The following RNF212 variants were observed in gnomAD, a reference collection of about 807,000 sequenced individuals.
RNF212 encodes ring finger protein 212.
Under a neutral mutation model 34.7 loss-of-function variants are expected in RNF212, and 33 were observed. The observed-to-expected ratio is 0.95, with a 90% CI of 0.72 to 1.27. The LOEUF is 1.27. Among genes scored for constraint, RNF212 ranks in the 50% most tolerant of loss-of-function variants. The pLI is 0.00. For synonymous variants in RNF212, 140 were observed against 136.1 expected, an observed-to-expected ratio of 1.03 and a Z score of -0.20; for missense variants, 377 against 362.2, an observed-to-expected ratio of 1.04 and a Z score of -0.33.
chr4:1,093,612 G>A (rs912232673), intron 3 of RNF212: 6 of 1,535,778 alleles, frequency 3.9e-6, no homozygotes, highest in Admixed American at 2.0e-5. Context: ...GGGGCTGGCC[G>A]GGTCTGCTGG....
rs545320797 is a variant in RNF212, at chr4:1,088,095, T to C, written c.304-2141A>G. On this transcript the variant is annotated intron_variant, in intron 4 of 9. Transcript: ENST00000433731. ...TTTGGAACTGGGTAATGGGCAGAAG[T>C]TGGAACAATTTGGAGGGCTCAGAAA... Among the ~76,000 whole-genome samples the C allele has an allele frequency of 3.9e-5, 6 of 152,166 alleles. No homozygotes were observed. In the East Asian group the frequency reaches 1.2e-3, roughly 29 times the overall value.
chr4:1,086,514 C>A (rs1721186677), intron 4 of RNF212, among the ~76,000 whole-genome samples: 1 of 135,316 alleles, frequency 7.4e-6, no homozygotes, highest in African/African-American at 2.9e-5. Context: ...AGCCTCCAGG[C>A]AGGGTTTTGG....
chr4:1,078,824 AGGACCAACACG>A (rs1240115401), intron 8 of RNF212, among the ~76,000 whole-genome samples: 3 of 152,164 alleles, frequency 2.0e-5, no homozygotes, highest in African/African-American at 7.2e-5. Context: ...GGGTCAACAC[AGGACCAACACG>A]GGACCAACAC....
chr4:1,087,445 G>A (rs1457785413), intron 4 of RNF212, among the ~76,000 whole-genome samples: 2 of 108,782 alleles, frequency 1.8e-5, no homozygotes, highest in Non-Finnish European at 3.9e-5. Flanking sequence ...ATAGGATGGG[G>A]TGGGGTGACA....
At chr4:1,082,889 G>T (rs934991605) in intron 5 of RNF212, among the ~76,000 whole-genome samples, 2 of 152,228 alleles carry the variant, frequency 1.3e-5, no homozygotes, top group African/African-American at 4.8e-5. Flanking sequence ...AAGGGCACTT[G>T]CTCCTGATTC....
At chr4:1,104,759 G>A (rs565571605) in intron 2 of RNF212, among the ~76,000 whole-genome samples, 56 of 152,274 alleles carry the variant, frequency 3.7e-4, no homozygotes, top group Admixed American at 1.4e-3. Flanking sequence ...CCCTTCCCTC[G>A]GGTCCCGATT....
Position 1,090,777 on chromosome 4 carries a change from C to G in RNF212, c.303+5G>C. The G allele has an allele frequency of 2.0e-6, 3 of 1,529,284 alleles. No homozygotes were observed. The highest frequency in any genetic ancestry group is 2.7e-6 in the Non-Finnish European group (3 of 1,106,480). The allele number at this position is 1,529,284 out of a possible 1,614,324, so 94.7% of individuals were successfully genotyped here. ...TTCAAGTGGCAATGAATCAATTCCA[C>G]TTACCTTTTCTCTATAGAAGGCTAA... is the stretch of plus-strand genomic sequence containing the variant. On this transcript the variant is annotated splice_donor_5th_base_variant and intron_variant, in intron 4 of 9. Coordinates refer to ENST00000433731, the MANE Select transcript of RNF212 (RefSeq NM_001131034.4).
At chr4:1,077,977 C>T (rs1005849747) in intron 8 of RNF212, among the ~76,000 whole-genome samples, 2 of 152,134 alleles carry the variant, frequency 1.3e-5, no homozygotes, top group Non-Finnish European at 2.9e-5. Flanking sequence ...AAGGAACTGG[C>T]GTTTCTCTTT....
intron 3 of RNF212, 152 bp from the exon 4 acceptor site, chr4:1,090,990 T>G: frequency 1.7e-6 from 1 of 597,340 alleles, no homozygotes; most frequent in South Asian, 2.0e-5. Flanking sequence ...CCATGGCCAG[T>G]GCTTGCACAG....
intron 2 of RNF212, among the ~76,000 whole-genome samples, chr4:1,098,041 G>T (rs646117): frequency 6.6e-6 from 1 of 151,958 alleles, no homozygotes; most frequent in African/African-American, 2.4e-5. Context: ...CTCCAGCCTG[G>T]GCAACAGAGC....
Position 1,111,758 on chromosome 4 carries a change from G to T in RNF212, c.109+1598C>A, listed in dbSNP as rs374807041. ...CAGGTTACACACCCAACAGAAATGT[G>T]TACCTAAGATCACCGAAGACAGGAG... On this transcript the variant is annotated intron_variant, in intron 1 of 9. Coordinates refer to ENST00000433731, the MANE Select transcript of RNF212 (RefSeq NM_001131034.4). Among the ~76,000 whole-genome samples, 68 of 152,204 alleles carry T rather than the reference G, an allele frequency of 4.5e-4. 1 individual carries two copies. The South Asian group carries it at 0.011, about 25-fold the overall frequency.
At chr4:1,057,167 T>C (rs1002229515) in intron 4 of RNF212, among the ~76,000 whole-genome samples, 87 of 152,154 alleles carry the variant, frequency 5.7e-4, no homozygotes, top group African/African-American at 2.1e-3. Flanking sequence ...CAGCAGAAGA[T>C]GTGGACCGAT....
intron 8 of RNF212, among the ~76,000 whole-genome samples, chr4:1,077,524 A>G (rs923357462): frequency 6.6e-6 from 1 of 152,188 alleles, no homozygotes; most frequent in African/African-American, 2.4e-5. Context: ...TGAGCCCGAC[A>G]TGCCTGCTGC....
At chr4:1,110,515 A>G (rs1725490815) in intron 1 of RNF212, among the ~76,000 whole-genome samples, 1 of 152,208 alleles carries the variant, frequency 6.6e-6, no homozygotes, top group African/African-American at 2.4e-5. Context: ...TCATAGCAAA[A>G]CGGCAGAAAC....
At chr4:1,090,700 G>C in intron 4 of RNF212, 82 bp downstream of exon 4, 1 of 803,470 alleles carries the variant, frequency 1.2e-6, no homozygotes, top group Non-Finnish European at 2.2e-6. Flanking sequence ...TCCCCTTTGA[G>C]AGCAAGGTGT....
chr4:1,094,422 G>C (rs1202962607), intron 3 of RNF212, among the ~76,000 whole-genome samples: 1 of 152,236 alleles, frequency 6.6e-6, no homozygotes, highest in African/African-American at 2.4e-5. Flanking sequence ...GGGAGGCTTG[G>C]AGTGGAGGCG....
intron 2 of RNF212, among the ~76,000 whole-genome samples, chr4:1,099,392 G>A (rs1723569913): frequency 6.6e-6 from 1 of 152,200 alleles, no homozygotes; most frequent in South Asian, 2.1e-4. Flanking sequence ...AGGCAGCGAG[G>A]AGCAGGGAAG....
chr4:1,058,695 T>C (rs1364430534), intron 3 of RNF212, among the ~76,000 whole-genome samples: 1 of 152,202 alleles, frequency 6.6e-6, no homozygotes, highest in African/African-American at 2.4e-5. Context: ...GCCATCTGAA[T>C]CATCAGCAGC....
At chr4:1,091,816 G>C (rs1168933842) in intron 3 of RNF212, among the ~76,000 whole-genome samples, 1 of 152,208 alleles carries the variant, frequency 6.6e-6, no homozygotes, top group Admixed American at 6.5e-5. Flanking sequence ...TGCGTCCTCG[G>C]AGTGACTTGG....
Sources: gnomAD v4.1 joint callset for allele counts (sites outside exome capture counted in the v4.1 genomes callset) on GRCh38, gnomAD v4.1.1 for gene constraint, MANE v1.5 for transcripts, NCBI Gene and HGNC (gene_info 2026-07-23, HGNC 2026-07-21) for gene names.